The following ABHD18 variants were observed in gnomAD, a reference collection of about 807,000 sequenced individuals.
ABHD18 encodes cardiolipin-specific deacylase, mitochondrial.
ABHD18 carries 55 observed loss-of-function variants against 65.9 expected under a neutral mutation model. That is an observed-to-expected ratio of 0.84 (90% CI 0.67 to 1.05). The LOEUF is 1.05. Among genes scored for constraint, ABHD18 ranks in the 50% least tolerant of loss-of-function variants. The probability of loss-of-function intolerance (pLI) is 0.00; values close to 1 mark genes in which losing one functional copy is unlikely to be tolerated. For synonymous variants in ABHD18, 181 were observed against 180.2 expected, an observed-to-expected ratio of 1.00 and a Z score of -0.04; for missense variants, 533 against 558.5, an observed-to-expected ratio of 0.95 and a Z score of 0.46.
Position 127,974,262 on chromosome 4 carries a change from A to G in ABHD18, c.-18+8656A>G, listed in dbSNP as rs1327144654. On this transcript the variant is annotated intron_variant, in intron 1 of 12. Coordinates refer to ENST00000645843, the MANE Select transcript of ABHD18 (RefSeq NM_001358451.3). ...GCCCACGCTGGAGAGCAATAGCACT[A>G]TCATAGCTCACTGCCACCTCACTCT... is the stretch of plus-strand genomic sequence containing the variant. Among the ~76,000 whole-genome samples the G allele has an allele frequency of 4.4e-5, 6 of 135,172 alleles. No homozygotes were observed. In the South Asian group the frequency reaches 9.0e-4, roughly 20 times the overall value. 88.7% of individuals were successfully genotyped at this position (135,172 alleles called of 152,430 possible). A position where few individuals can be genotyped will look rare whatever the true frequency, so the allele number is the denominator to read the frequency against.
intron 9 of ABHD18, among the ~76,000 whole-genome samples, 154 bp from the exon 10 acceptor site, chr4:128,020,983 G>A (rs988769257): frequency 1.3e-5 from 2 of 150,786 alleles, no homozygotes; most frequent in South Asian, 2.1e-4. Flanking sequence ...GCAGTGAGCC[G>A]AGATAGTGCC....
intron 10 of ABHD18, among the ~76,000 whole-genome samples, chr4:128,026,522 G>T (rs1172284004): frequency 1.3e-5 from 2 of 150,486 alleles, no homozygotes; most frequent in African/African-American, 4.9e-5. Flanking sequence ...TATATCCTTT[G>T]CTCATTTGGG....
Position 128,017,389 on chromosome 4 carries a change from A to T in ABHD18, c.497A>T (p.Asp166Val). Reference sequence around the variant, plus strand: ...AGGTCCAGCTTAAAAAATGTGTCCGACCTTTTTGTGATGGGAGGAGCTCTT... The same window carrying T: ...AGGTCCAGCTTAAAAAATGTGTCCGTCCTTTTTGTGATGGGAGGAGCTCTT... ...QVRSSLKNVS[D>V]LFVMGGALVL... Residue 166 changes from aspartate to valine, a missense_variant, in exon 8 of 13, where the codon GAC (aspartate) becomes GTC (valine). By Grantham distance (152) the Asp-to-Val change is radical. Transcript: ENST00000645843. 6.2e-7 allele frequency: 1 copy of T among 1,613,698 alleles called. No individual in the cohort carries two copies. The highest frequency in any genetic ancestry group is 1.3e-5 in the African/African-American group (1 of 74,998).
Position 128,028,688 on chromosome 4 carries a change from C to G in ABHD18, c.1015C>G (p.Arg339Gly). 1 of 1,613,858 alleles carries G rather than the reference C, an allele frequency of 6.2e-7. No homozygotes were observed. The highest frequency in any genetic ancestry group is 8.5e-7 in the Non-Finnish European group (1 of 1,179,848). Residue 339 changes from arginine (R) to glycine (G), a missense_variant, in exon 11 of 13, where the codon CGC (arginine) becomes GGC (glycine). Arg to Gly is a moderately radical substitution (Grantham distance 125, BLOSUM62 -2). Coordinates refer to ENST00000645843, the MANE Select transcript of ABHD18 (RefSeq NM_001358451.3). Reference protein sequence around the residue: ...LLLQDTSKMKRFNQTLSTNKS... With the variant: ...LLLQDTSKMKGFNQTLSTNKS... ...ATTGCAAGATACCTCTAAGATGAAG[C>G]GCTTCAATCAAACACTTTCAACCAA...
At position 127,983,117 on chromosome 4, in the gene ABHD18, T is replaced by C; in HGVS notation, c.92+70T>C. On this transcript the variant is annotated intron_variant, in intron 2 of 12. Coordinates refer to ENST00000645843, the MANE Select transcript of ABHD18 (RefSeq NM_001358451.3). Reference sequence around the variant, plus strand: ...TTAATGAACATTTAAAACTTTGTTATAAAATCCTTTACTCTCAAATACAGA... The same window carrying C: ...TTAATGAACATTTAAAACTTTGTTACAAAATCCTTTACTCTCAAATACAGA... 4 of 1,055,670 alleles carry C rather than the reference T, an allele frequency of 3.8e-6. No individual in the cohort carries two copies. The South Asian group carries it at 5.7e-5, about 15-fold the overall frequency. 65.4% of individuals were successfully genotyped at this position (1,055,670 alleles called of 1,614,324 possible).
Position 128,008,261 on chromosome 4 carries a change from C to CTTTTT in ABHD18, c.279-635_279-631dup, listed in dbSNP as rs1167728243. 5.1e-5 allele frequency among the ~76,000 whole-genome samples: 5 copies of CTTTTT among 97,788 alleles called. 1 individual carries two copies. Among genetic ancestry groups the CTTTTT allele is most frequent in the East Asian group, 8.1e-4 (2 of 2,478 alleles). The allele number at this position is 97,788 out of a possible 152,430, so 64.2% of individuals were successfully genotyped here. On this transcript the variant is annotated intron_variant, in intron 4 of 12. Coordinates refer to ENST00000645843, the MANE Select transcript of ABHD18 (RefSeq NM_001358451.3). ...TGGGCAACAGAGTGAGACTCCGTTC[C>CTTTTT]TTTTTTTTTTTTTTTTTTTTTTTTT... is the stretch of plus-strand genomic sequence containing the variant.
chr4:128,022,481 G>A (rs1756662251), intron 10 of ABHD18, among the ~76,000 whole-genome samples: 1 of 152,102 alleles, frequency 6.6e-6, no homozygotes, highest in Admixed American at 6.6e-5. Flanking sequence ...AGGCTATATA[G>A]GAAACACATA....
At chr4:127,997,764 C>G (rs955268950) in intron 4 of ABHD18, among the ~76,000 whole-genome samples, 3 of 152,168 alleles carry the variant, frequency 2.0e-5, no homozygotes, top group Non-Finnish European at 4.4e-5. Flanking sequence ...CTTACTAGCT[C>G]TCATCTTCCT....
intron 4 of ABHD18, among the ~76,000 whole-genome samples, chr4:128,004,267 C>T (rs968596071): frequency 4.0e-5 from 6 of 151,580 alleles, no homozygotes; most frequent in Non-Finnish European, 8.8e-5. Flanking sequence ...GCCTGGCCAA[C>T]GTGGTGAAAC....
At chr4:127,977,340 C>T (rs1030185797) in intron 1 of ABHD18, among the ~76,000 whole-genome samples, 4 of 152,076 alleles carry the variant, frequency 2.6e-5, no homozygotes, top group Admixed American at 1.3e-4. Context: ...GGCGTGGTGG[C>T]GCATGCCTGT....
At chr4:127,990,398 A>G (rs1398159829) in intron 4 of ABHD18, among the ~76,000 whole-genome samples, 3 of 152,016 alleles carry the variant, frequency 2.0e-5, no homozygotes, top group Non-Finnish European at 4.4e-5. Context: ...CCCCATCTCT[A>G]CTGAAAACAC....
At chr4:127,984,921 A>G (rs1483685929) in intron 3 of ABHD18, among the ~76,000 whole-genome samples, 2 of 152,232 alleles carry the variant, frequency 1.3e-5, no homozygotes, top group Non-Finnish European at 2.9e-5. Flanking sequence ...TTTAATAACT[A>G]TGTTCACATA....
intron 4 of ABHD18, among the ~76,000 whole-genome samples, chr4:127,998,983 A>G (rs2149106853): frequency 6.6e-6 from 1 of 152,182 alleles, no homozygotes; most frequent in South Asian, 2.1e-4. Flanking sequence ...TGGAAGCGAT[A>G]TAGTTGTTCA....
chr4:127,984,975 G>T (rs1186111373), intron 3 of ABHD18, among the ~76,000 whole-genome samples: 2 of 152,324 alleles, frequency 1.3e-5, no homozygotes, highest in Middle Eastern at 6.8e-3. Flanking sequence ...ATATAGAGAA[G>T]TATTTAGGCT....
Position 127,983,028 on chromosome 4 carries a change from A to G in ABHD18, c.73A>G (p.Arg25Gly). 1 of 1,557,722 alleles carries G rather than the reference A, an allele frequency of 6.4e-7. No homozygotes were observed. Among genetic ancestry groups the G allele is most frequent in the Non-Finnish European group, 8.7e-7 (1 of 1,149,730 alleles). The part of the protein sequence containing the change: ...LTKLFIRGWG[R>G]PEDLKRLFEF... ...AAAACTTTTTATCAGAGGATGGGGA[A>G]GGCCAGAAGATCTCAAAAGGCAAGC... Residue 25 changes from arginine to glycine, a missense_variant, in exon 2 of 13, where the codon AGG becomes GGG. Coordinates refer to ENST00000645843, the MANE Select transcript of ABHD18 (RefSeq NM_001358451.3).
chr4:127,981,835 C>T (rs78712015), intron 1 of ABHD18, among the ~76,000 whole-genome samples: 1 of 152,092 alleles, frequency 6.6e-6, no homozygotes, highest in African/African-American at 2.4e-5. Context: ...ATTAAAAAAA[C>T]ACTTAATCCT....
rs116332409 is a variant in ABHD18, at chr4:127,978,938, T to A, written c.-17-4001T>A. Among the ~76,000 whole-genome samples the A allele has an allele frequency of 4.8e-3, 738 of 152,332 alleles. 7 individuals are homozygous for A. Among genetic ancestry groups the A allele is most frequent in the African/African-American group, 0.015 (624 of 41,574 alleles). On this transcript the variant is annotated intron_variant, in intron 1 of 12. Coordinates refer to ENST00000645843, the MANE Select transcript of ABHD18 (RefSeq NM_001358451.3). ...ATCGTAAGTTGAACCACTGTAAGTC[T>A]AAATGTTCCTCAGTTTATGATGAGG...
At chr4:127,972,569 A>G (rs1351285984) in intron 1 of ABHD18, among the ~76,000 whole-genome samples, 2 of 101,462 alleles carry the variant, frequency 2.0e-5, no homozygotes, top group Non-Finnish European at 3.8e-5. Flanking sequence ...CGCTCTGGCT[A>G]ATTTTTGTGT....
intron 1 of ABHD18, among the ~76,000 whole-genome samples, chr4:127,980,257 T>G (rs1748779094): frequency 6.6e-6 from 1 of 152,168 alleles, no homozygotes; most frequent in Non-Finnish European, 1.5e-5. Context: ...GATTCTCTAT[T>G]GCTCTCTTAT....
Sources: allele counts gnomAD v4.1 joint callset (sites outside exome capture counted in the v4.1 genomes callset), GRCh38; gene constraint gnomAD v4.1.1; transcripts MANE v1.5; gene names NCBI Gene and HGNC (gene_info 2026-07-23, HGNC 2026-07-21).